Variants in RELCH observed in about 807,000 individuals in gnomAD.
RELCH encodes the protein RAB11 binding and LisH domain, coiled-coil and HEAT repeat containing.
Under a neutral mutation model 150.3 loss-of-function variants are expected in RELCH, and 41 were observed. The observed-to-expected ratio is 0.27, with a 90% CI of 0.21 to 0.35. RELCH has a LOEUF of 0.35. Among genes scored for constraint, RELCH ranks in the 10% least tolerant of loss-of-function variants. The probability of loss-of-function intolerance (pLI) is 1.00; values close to 1 mark genes in which losing one functional copy is unlikely to be tolerated. For synonymous variants in RELCH, 478 were observed against 531.8 expected, an observed-to-expected ratio of 0.90 and a Z score of 1.39; for missense variants, 1,092 against 1,467.8, an observed-to-expected ratio of 0.74 and a Z score of 4.18.
At chr18:62,256,128 ACT>A (rs1382207843) in intron 13 of RELCH, among the ~76,000 whole-genome samples, 4 of 152,112 alleles carry the variant, frequency 2.6e-5, no homozygotes, top group African/African-American at 9.7e-5. Context: ...CAGGAAAAGC[ACT>A]TAGGCAGTTG....
intron 20 of RELCH, among the ~76,000 whole-genome samples, chr18:62,271,701 T>C (rs1344319753): frequency 2.6e-5 from 4 of 152,214 alleles, no homozygotes; most frequent in African/African-American, 9.6e-5. Flanking sequence ...GGTTTTCTTC[T>C]AGGGTTTTTA....
intron 15 of RELCH, 71 bp downstream of exon 15, chr18:62,258,747 G>A (rs778498888): frequency 9.2e-7 from 1 of 1,088,812 alleles, no homozygotes; most frequent in Non-Finnish European, 1.3e-6. Flanking sequence ...TTGGAACAAT[G>A]TTAGAGAACA....
At position 62,267,511 on chromosome 18, in the gene RELCH, TG is replaced by T. The variant is rs1450922549; in HGVS notation, c.2680+763del. On this transcript the variant is annotated intron_variant, in intron 19 of 28. Coordinates refer to ENST00000644646, the MANE Select transcript of RELCH (RefSeq NM_001346231.2). ...GTGTGTGTGTGTGTGTGTGTGTGTG[TG>T]TGTGTGTATACATATATATATATAC... Among the ~76,000 whole-genome samples, 352 of 143,144 alleles carry T rather than the reference TG, an allele frequency of 2.5e-3. 5 individuals carry two copies. The highest frequency in any genetic ancestry group is 4.3e-3 in the Non-Finnish European group (275 of 64,456). 93.9% of individuals were successfully genotyped at this position (143,144 alleles called of 152,430 possible).
At chr18:62,220,424 T>C (rs1469359133) in intron 2 of RELCH, among the ~76,000 whole-genome samples, 2 of 150,576 alleles carry the variant, frequency 1.3e-5, no homozygotes, top group African/African-American at 4.9e-5. Context: ...TTAGAAAACA[T>C]ACTCTTGTTT....
At chr18:62,223,972 T>C (rs2041043971) in intron 5 of RELCH, among the ~76,000 whole-genome samples, 1 of 152,156 alleles carries the variant, frequency 6.6e-6, no homozygotes, top group Admixed American at 6.6e-5. Context: ...TCTTTTTCTT[T>C]TTTTTTATTA....
At chr18:62,252,522 AAAT>A in intron 11 of RELCH, 139 bp from the exon 12 acceptor site, 1 of 546,044 alleles carries the variant, frequency 1.8e-6, no homozygotes, top group Non-Finnish European at 3.0e-6. Flanking sequence ...ATCTCAAAAA[AAAT>A]AAATAAATAA....
rs1316186474 is a variant in RELCH, at chr18:62,221,488, CGAT to C, written c.853_855del (p.Asp285del). ...CATCAATAACCTTTTCAGATGAAAA[CGAT>C]GATCAGGTAAAGTTACTTTTTGTTT... On this transcript the variant is annotated inframe_deletion, in exon 5 of 29. Transcript: ENST00000644646. 1 of 1,438,586 alleles carries C rather than the reference CGAT, an allele frequency of 7.0e-7. No individual in the cohort carries two copies. Among genetic ancestry groups the C allele is most frequent in the Non-Finnish European group, 9.5e-7 (1 of 1,052,326 alleles). The allele number at this position is 1,438,586 out of a possible 1,614,324, so 89.1% of individuals were successfully genotyped here. A position where few individuals can be genotyped will look rare whatever the true frequency, so the allele number is the denominator to read the frequency against.
intron 11 of RELCH, among the ~76,000 whole-genome samples, chr18:62,248,433 A>C (rs2042532070): frequency 6.6e-6 from 1 of 152,168 alleles, no homozygotes; most frequent in African/African-American, 2.4e-5. Context: ...TAACAGAGGA[A>C]ACGTTGCCCA....
At position 62,187,562 on chromosome 18, in the gene RELCH, C is replaced by T. The variant is rs749324597; in HGVS notation, c.57C>T (p.Leu19=). The change falls in exon 1 of 29, where the codon CTC becomes CTT. Residue 19 remains leucine, a synonymous_variant. Coordinates refer to ENST00000644646, the MANE Select transcript of RELCH (RefSeq NM_001346231.2). ...SGSGGGVNPF[L]SDSDEDDDEV... ...GTGGTGGCGGCGTGAATCCATTTCT[C>T]AGTGATTCGGATGAGGACGATGACG... The T allele has an allele frequency of 1.1e-5, 17 of 1,519,296 alleles. No homozygotes were observed. In the South Asian group the frequency reaches 2.0e-4, roughly 18 times the overall value. 94.1% of individuals were successfully genotyped at this position (1,519,296 alleles called of 1,614,324 possible). A position where few individuals can be genotyped will look rare whatever the true frequency, so the allele number is the denominator to read the frequency against.
At chr18:62,221,729 T>C (rs1440610395) in intron 5 of RELCH, among the ~76,000 whole-genome samples, 1 of 151,878 alleles carries the variant, frequency 6.6e-6, no homozygotes, top group African/African-American at 2.4e-5. Flanking sequence ...GATTCCTTTT[T>C]ACTACTCCTC....
chr18:62,227,785 G>T, intron 7 of RELCH, 96 bp downstream of exon 7: 1 of 545,404 alleles, frequency 1.8e-6, no homozygotes, highest in Non-Finnish European at 3.2e-6. Flanking sequence ...CAGTTGCAAG[G>T]CATAATTGCT....
chr18:62,188,888 C>T (rs1685831614), intron 1 of RELCH, among the ~76,000 whole-genome samples: 1 of 152,188 alleles, frequency 6.6e-6, no homozygotes, highest in African/African-American at 2.4e-5. Flanking sequence ...TAAATATTCC[C>T]TTACTAATGT....
chr18:62,206,077 T>TTTTG (rs888989431), intron 1 of RELCH, among the ~76,000 whole-genome samples: 6 of 152,094 alleles, frequency 3.9e-5, no homozygotes, highest in Non-Finnish European at 5.9e-5. Flanking sequence ...TTTTGTTTGT[T>TTTTG]TTTGTTTGTT....
intron 28 of RELCH, 22 bp downstream of exon 28, chr18:62,298,882 TA>T: frequency 7.4e-7 from 1 of 1,346,594 alleles, no homozygotes; most frequent in Non-Finnish European, 1.0e-6. Flanking sequence ...ATTCTTTTTT[TA>T]AGGCTACATG....
chr18:62,215,294 A>G (rs2040415379), intron 2 of RELCH, among the ~76,000 whole-genome samples: 1 of 152,214 alleles, frequency 6.6e-6, no homozygotes, highest in South Asian at 2.1e-4. Context: ...GAGACATCTA[A>G]GAACAAACAT....
chr18:62,273,291 T>C (rs1159058873), intron 20 of RELCH, among the ~76,000 whole-genome samples: 1 of 152,052 alleles, frequency 6.6e-6, no homozygotes, highest in African/African-American at 2.4e-5. Flanking sequence ...GTAATAATAG[T>C]TCGTTGAAAA....
intron 5 of RELCH, 68 bp downstream of exon 5, chr18:62,221,565 G>GTT: frequency 1.8e-6 from 1 of 568,952 alleles, no homozygotes; most frequent in Non-Finnish European, 2.9e-6. Context: ...CTTTTACGTA[G>GTT]TTTCTTTTTT....
chr18:62,213,453 G>A (rs567746965), intron 2 of RELCH, among the ~76,000 whole-genome samples: 467 of 152,148 alleles, frequency 3.1e-3, no homozygotes, highest in African/African-American at 0.011. Flanking sequence ...TCATTAGGCC[G>A]GGCGCTGTGG....
intron 10 of RELCH, among the ~76,000 whole-genome samples, chr18:62,239,122 C>T (rs1599999046): frequency 1.3e-5 from 2 of 152,058 alleles, no homozygotes; most frequent in South Asian, 4.1e-4. Flanking sequence ...TTCTTTAAAC[C>T]TATGTGATGT....
Sources: gnomAD v4.1 joint callset for allele counts (sites outside exome capture counted in the v4.1 genomes callset) on GRCh38, gnomAD v4.1.1 for gene constraint, MANE v1.5 for transcripts, NCBI Gene and HGNC (gene_info 2026-07-23, HGNC 2026-07-21) for gene names.